The following LCOR variants were observed in gnomAD, a reference collection of about 807,000 sequenced individuals.
The protein encoded by LCOR is ligand-dependent corepressor.
Under a neutral mutation model 64.4 loss-of-function variants are expected in LCOR, and 14 were observed. The ratio of observed to expected loss-of-function variants is 0.22; its 90% CI spans 0.14 to 0.34. LCOR has a LOEUF of 0.34. Ranked by LOEUF, LCOR falls within the 10% of genes least tolerant of loss-of-function variation. LCOR has a pLI of 1.00. For missense variants in LCOR, 1,686 were observed against 1,765.3 expected (o/e 0.96, Z 0.80); for synonymous variants, 643 against 642.5 (o/e 1.00, Z -0.01).
At chr10:96,921,031 C>G (rs1368569505) in intron 4 of LCOR, among the ~76,000 whole-genome samples, 1 of 151,950 alleles carries the variant, frequency 6.6e-6, no homozygotes, top group Non-Finnish European at 1.5e-5. Context: ...CTCCTAGACT[C>G]AAGAACTCTT....
At chr10:96,841,263 TTAAAA>T (rs1172239151) in intron 2 of LCOR, among the ~76,000 whole-genome samples, 3 of 152,218 alleles carry the variant, frequency 2.0e-5, no homozygotes, top group Non-Finnish European at 4.4e-5. Flanking sequence ...AATTAACTCT[TTAAAA>T]TAACAGAAAG....
Position 96,955,129 on chromosome 10 carries a change from C to T in LCOR, c.332+2933C>T, listed in dbSNP as rs148761756. On this transcript the variant is annotated intron_variant, in intron 7 of 7. Transcript: ENST00000421806. ...GAACTACTGAGCAGAAACCAATTGTCCACAGCTGCCAGCCTTGGGCCATCT... is the reference window on the plus strand; with the variant it reads ...GAACTACTGAGCAGAAACCAATTGTTCACAGCTGCCAGCCTTGGGCCATCT... 98 of 1,614,178 alleles carry T rather than the reference C, an allele frequency of 6.1e-5. No homozygotes were observed. The highest frequency in any genetic ancestry group is 8.0e-5 in the Non-Finnish European group (94 of 1,180,038).
intron 2 of LCOR, among the ~76,000 whole-genome samples, chr10:96,872,135 C>T (rs904086553): frequency 6.6e-6 from 1 of 152,230 alleles, no homozygotes; most frequent in Non-Finnish European, 1.5e-5. Flanking sequence ...CATGCTACTA[C>T]CTCTACATAG....
In LCOR at chr10:96,982,553, G is replaced by T; in HGVS notation, c.2093G>T (p.Arg698Ile). 6.2e-7 allele frequency: 1 copy of T among 1,614,182 alleles called. No individual in the cohort carries two copies. Among genetic ancestry groups the T allele is most frequent in the Non-Finnish European group, 8.5e-7 (1 of 1,180,054 alleles). Reference sequence around the variant, plus strand: ...CATTCTCCTCCTGAAATAGTCAGTAGAGAAGAAAGTCCTCAGTGCTCAGAA... The same window carrying T: ...CATTCTCCTCCTGAAATAGTCAGTATAGAAGAAAGTCCTCAGTGCTCAGAA... The part of the protein sequence containing the change: ...RPHSPPEIVS[R>I]EESPQCSENQ... The change falls in exon 8 of 8, where the codon AGA becomes ATA. Residue 698 changes from arginine (R) to isoleucine (I), a missense_variant. Physicochemically the swap from Arg to Ile is moderately conservative, Grantham distance 97. Around this residue, in one of 3 missense-constraint regions of LCOR, gnomAD observed 1,293 missense variants for 1,410.4 expected, o/e 0.92. Coordinates refer to ENST00000421806, the MANE Select transcript of LCOR (RefSeq NM_001346516.2).
rs564127185 is a variant in LCOR, at chr10:96,859,925, A to C, written c.-330+26446A>C. Among the ~76,000 whole-genome samples, 25 of 152,262 alleles carry C rather than the reference A, an allele frequency of 1.6e-4. No individual in the cohort carries two copies. In the East Asian group the frequency reaches 4.8e-3, roughly 29 times the overall value. ...GAAGGACATTGGCCAGGCCTGGGTC[A>C]TGTGGCCCATCCCTGAGCCAGTCAG... On this transcript the variant is annotated intron_variant, in intron 2 of 7. Transcript: ENST00000421806.
At chr10:96,975,139 C>A (rs1235081390) in intron 7 of LCOR, among the ~76,000 whole-genome samples, 1 of 152,078 alleles carries the variant, frequency 6.6e-6, no homozygotes, top group African/African-American at 2.4e-5. Context: ...TCACTGCACT[C>A]CAGCCTGGGC....
At chr10:96,938,713 A>G (rs1315278233) in intron 4 of LCOR, among the ~76,000 whole-genome samples, 2 of 152,250 alleles carry the variant, frequency 1.3e-5, no homozygotes, top group Admixed American at 6.5e-5. Flanking sequence ...AAAAAAAATA[A>G]TAATTGTATT....
At chr10:96,838,571 G>A (rs964983266) in intron 2 of LCOR, among the ~76,000 whole-genome samples, 5 of 152,186 alleles carry the variant, frequency 3.3e-5, no homozygotes, top group African/African-American at 9.7e-5. Context: ...TGTAATTGGA[G>A]TCATACAATA....
Position 96,970,574 on chromosome 10 carries a change from A to AATG in LCOR, c.333-10218_333-10216dup, listed in dbSNP as rs1847989906. On this transcript the variant is annotated intron_variant, in intron 7 of 7. Coordinates refer to ENST00000421806, the MANE Select transcript of LCOR (RefSeq NM_001346516.2). ...TTGGGTTGACCAGCTACAGCCTATT[A>AATG]ATGGATTGTAAGATCCTAACCAGCA... Among the ~76,000 whole-genome samples, 3 of 151,380 alleles carry AATG rather than the reference A, an allele frequency of 2.0e-5. No homozygotes were observed. In the South Asian group the frequency reaches 6.2e-4, roughly 31 times the overall value.
intron 4 of LCOR, among the ~76,000 whole-genome samples, chr10:96,938,557 AC>A (rs1847392336): frequency 1.3e-5 from 2 of 152,244 alleles, no homozygotes; most frequent in East Asian, 3.9e-4. Context: ...ATAAAAAGAA[AC>A]CAAAGTCATT....
chr10:96,848,168 A>T (rs1004296869), intron 2 of LCOR, among the ~76,000 whole-genome samples: 1 of 152,228 alleles, frequency 6.6e-6, no homozygotes, highest in South Asian at 2.1e-4. Context: ...AGGAATGTGA[A>T]TATATATCCA....
intron 7 of LCOR, among the ~76,000 whole-genome samples, chr10:96,972,980 G>C (rs1325471796): frequency 6.6e-6 from 1 of 152,160 alleles, no homozygotes; most frequent in Non-Finnish European, 1.5e-5. Context: ...TGGTGTCACT[G>C]AGGCTGGGAC....
At chr10:96,916,199 C>CT (rs1846940362) in intron 4 of LCOR, among the ~76,000 whole-genome samples, 1 of 151,520 alleles carries the variant, frequency 6.6e-6, no homozygotes, top group South Asian at 2.1e-4. Flanking sequence ...TCCCGTCTAA[C>CT]TTTTTGTATT....
Position 96,984,988 on chromosome 10 carries a change from G to A in LCOR, c.4528G>A (p.Ala1510Thr). Residue 1510 changes from alanine to threonine, a missense_variant, in exon 8 of 8, where the codon GCC (alanine) becomes ACC (threonine). Physicochemically the swap from Ala to Thr is moderately conservative, Grantham distance 58. Around this residue, in one of 3 missense-constraint regions of LCOR, gnomAD observed 1,293 missense variants for 1,410.4 expected, o/e 0.92. Coordinates refer to ENST00000421806, the MANE Select transcript of LCOR (RefSeq NM_001346516.2). ...AGESSSRPQK[A>T]TNRKQSSGKT... ...TGAATCCTCTTCAAGGCCTCAGAAA[G>A]CCACGAATAGGAAGCAGAGTAGTGG... The A allele has an allele frequency of 6.2e-7, 1 of 1,614,158 alleles. No homozygotes were observed. Among genetic ancestry groups the A allele is most frequent in the South Asian group, 1.1e-5 (1 of 91,086 alleles).
rs1848147478 is a variant in LCOR at position 96,986,077 on chromosome 10, A to G, written c.*943A>G. ...GTACTTCCATATTCAAAGAAAGCCGAACTATTATTTCCAGTAATAGAAAGG... is the reference window on the plus strand; with the variant it reads ...GTACTTCCATATTCAAAGAAAGCCGGACTATTATTTCCAGTAATAGAAAGG... On this transcript the variant is annotated 3_prime_UTR_variant, in exon 8 of 8. Transcript: ENST00000421806. 1.8e-5 allele frequency: 3 copies of G among 167,084 alleles called. No individual in the cohort carries two copies. Among genetic ancestry groups the G allele is most frequent in the Non-Finnish European group, 2.9e-5 (2 of 68,112 alleles). The allele number at this position is 167,084 out of a possible 1,614,324, so 10.4% of individuals were successfully genotyped here.
At chr10:96,856,842 G>A (rs1845813051) in intron 2 of LCOR, among the ~76,000 whole-genome samples, 1 of 150,682 alleles carries the variant, frequency 6.6e-6, no homozygotes, top group South Asian at 2.1e-4. Context: ...CTCACTACGG[G>A]TAGACAATGC....
At chr10:96,832,443 C>T (rs1364082133) in intron 1 of LCOR, 44 bp downstream of exon 1, 6 of 797,318 alleles carry the variant, frequency 7.5e-6, no homozygotes, top group Non-Finnish European at 9.1e-6. Flanking sequence ...GGCCGCCCCG[C>T]CGCCGGTCGC....
intron 7 of LCOR, chr10:96,957,446 G>A: frequency 1.0e-6 from 1 of 985,152 alleles, no homozygotes; most frequent in African/African-American, 1.7e-5. Flanking sequence ...ATTTTTCATT[G>A]TGATCAGATT....
At chr10:96,914,083 T>C (rs1031639897) in intron 4 of LCOR, among the ~76,000 whole-genome samples, 3 of 152,244 alleles carry the variant, frequency 2.0e-5, no homozygotes, top group Admixed American at 6.5e-5. Context: ...TCAGGAGTCA[T>C]GTAACTAGAT....
Sources: gnomAD v4.1 joint callset for allele counts (sites outside exome capture counted in the v4.1 genomes callset) on GRCh38, gnomAD v4.1.1 for gene constraint, gnomAD v4.1.1 regional missense constraint, MANE v1.5 for transcripts, NCBI Gene and HGNC (gene_info 2026-07-23, HGNC 2026-07-21) for gene names.